POLN: variants seen among roughly 807,000 people sequenced by gnomAD.
The protein encoded by POLN is DNA polymerase nu.
Under a neutral mutation model 113.5 loss-of-function variants are expected in POLN, and 108 were observed. The ratio of observed to expected loss-of-function variants is 0.95; its 90% CI spans 0.81 to 1.12. The LOEUF (loss-of-function observed/expected upper bound fraction) is 1.12. Ranked by LOEUF, POLN falls within the 50% of genes most tolerant of loss-of-function variation. POLN has a pLI of 0.00. For synonymous variants in POLN, 386 were observed against 391.5 expected, an observed-to-expected ratio of 0.99 and a Z score of 0.17; for missense variants, 1,097 against 1,077.1, an observed-to-expected ratio of 1.02 and a Z score of -0.26.
chr4:2,105,803 AG>A (rs1183648740), intron 19 of POLN, among the ~76,000 whole-genome samples: 2 of 107,136 alleles, frequency 1.9e-5, no homozygotes, highest in Admixed American at 1.0e-4. Flanking sequence ...CCAGACAAAT[AG>A]TGATGATGAT....
At chr4:2,141,716 A>G (rs1298841888) in intron 16 of POLN, among the ~76,000 whole-genome samples, 1 of 152,180 alleles carries the variant, frequency 6.6e-6, no homozygotes, top group Non-Finnish European at 1.5e-5. Context: ...TGAACCAGTG[A>G]GAACCCAGAA....
intron 3 of POLN, 52 bp from the exon 4 acceptor site, chr4:2,213,178 C>T: frequency 8.8e-7 from 1 of 1,141,874 alleles, no homozygotes; most frequent in South Asian, 1.4e-5. Context: ...ACATTGATAT[C>T]TAAGTCACAC....
At chr4:2,105,664 G>A (rs1731047449) in intron 19 of POLN, among the ~76,000 whole-genome samples, 2 of 152,050 alleles carry the variant, frequency 1.3e-5, no homozygotes, top group Admixed American at 1.3e-4. Context: ...CAGAGAGGGG[G>A]AGCTGAAAGT....
intron 19 of POLN, among the ~76,000 whole-genome samples, chr4:2,111,967 G>A (rs868222973): frequency 1.1e-4 from 17 of 152,110 alleles, no homozygotes; most frequent in Admixed American, 3.9e-4. Context: ...GAGGCATCAC[G>A]CTACCTGACT....
At chr4:2,165,301 C>A (rs1044241561) in intron 13 of POLN, among the ~76,000 whole-genome samples, 1 of 152,134 alleles carries the variant, frequency 6.6e-6, no homozygotes, top group Admixed American at 6.5e-5. Context: ...TAAGTGCCTA[C>A]CACTAAGTGA....
chr4:2,123,169 GAAACCAAACCAAACCAAACC>G (rs112587303), intron 19 of POLN, among the ~76,000 whole-genome samples: 1 of 151,860 alleles, frequency 6.6e-6, no homozygotes, highest in South Asian at 2.1e-4. Flanking sequence ...TCTTATCTCA[GAAACCAAACCAAACCAAACC>G]AAACCAAACC....
Position 2,102,910 on chromosome 4 carries a change from A to G in POLN, c.1983-6977T>C, listed in dbSNP as rs190032197. ...CCAACCAACAGAGAGTCACATCTTC[A>G]GGAACCCCCACACTCAAATGAAAGT... On this transcript the variant is annotated intron_variant, in intron 19 of 25. Coordinates refer to ENST00000511885, the MANE Select transcript of POLN (RefSeq NM_181808.4). Among the ~76,000 whole-genome samples the G allele has an allele frequency of 3.0e-3, 462 of 152,350 alleles. 6 individuals are homozygous for G. Among genetic ancestry groups the G allele is most frequent in the African/African-American group, 0.011 (445 of 41,580 alleles).
intron 15 of POLN, 49 bp downstream of exon 15, chr4:2,157,809 T>TACAAAA (rs1561050905): frequency 7.6e-7 from 1 of 1,319,432 alleles, no homozygotes. Flanking sequence ...TCTGAACTCA[T>TACAAAA]ACAAAAACCA....
intron 19 of POLN, among the ~76,000 whole-genome samples, chr4:2,121,280 CA>C (rs1403136367): frequency 5.3e-5 from 8 of 151,886 alleles, no homozygotes; most frequent in African/African-American, 1.9e-4. Context: ...ACTAAAAATA[CA>C]AAAATTAGCT....
intron 7 of POLN, among the ~76,000 whole-genome samples, chr4:2,182,925 C>T (rs1413623999): frequency 6.6e-6 from 1 of 151,338 alleles, no homozygotes; most frequent in Non-Finnish European, 1.5e-5. Context: ...ACAATAAACT[C>T]ATATTAGAAT....
intron 23 of POLN, chr4:2,080,375 C>A (rs1024841295): frequency 4.9e-6 from 5 of 1,020,316 alleles, no homozygotes; most frequent in Non-Finnish European, 5.9e-6. Flanking sequence ...GAGCCCCCCC[C>A]CACCAAGGCA....
At chr4:2,148,669 C>G (rs1577722897) in intron 16 of POLN, among the ~76,000 whole-genome samples, 1 of 45,180 alleles carries the variant, frequency 2.2e-5, no homozygotes, top group East Asian at 3.4e-4. Flanking sequence ...TCTGTCCCCC[C>G]CCCAAAAAAA....
intron 19 of POLN, among the ~76,000 whole-genome samples, chr4:2,125,232 G>A (rs947583178): frequency 4.6e-5 from 7 of 152,206 alleles, no homozygotes; most frequent in South Asian, 2.1e-4. Context: ...GACATGTGGC[G>A]ACTCCTGGAG....
At position 2,164,802 on chromosome 4, in the gene POLN, CAAAAAAAAAAAAAAAAAAAAAAA is replaced by C. The variant is rs33935159; in HGVS notation, c.1555-5614_1555-5592del. 1.5e-3 allele frequency among the ~76,000 whole-genome samples: 42 copies of C among 28,722 alleles called. No homozygotes were observed. In the East Asian group the frequency reaches 0.026, roughly 18 times the overall value. 18.8% of individuals were successfully genotyped at this position (28,722 alleles called of 152,430 possible). ...TGGCCGATGGAGCAAGACTCTGTCTCAAAAAAAAAAAAAAAAAAAAAAAAAAAAAAAAAAAAAAAAGAGTGATC... is the reference window on the plus strand; with the variant it reads ...TGGCCGATGGAGCAAGACTCTGTCTCAAAAAAAAAAAAAAAAAGAGTGATC... On this transcript the variant is annotated intron_variant, in intron 13 of 25. Transcript: ENST00000511885.
chr4:2,147,490 C>T (rs752873391), intron 16 of POLN, among the ~76,000 whole-genome samples: 3 of 152,070 alleles, frequency 2.0e-5, no homozygotes, highest in Admixed American at 6.6e-5. Flanking sequence ...ATGACCAATC[C>T]ATGCCCAGGG....
chr4:2,202,471 C>G (rs561742114), intron 5 of POLN, among the ~76,000 whole-genome samples: 22 of 152,290 alleles, frequency 1.4e-4, no homozygotes, highest in African/African-American at 5.3e-4. Context: ...TGCCTGTAAT[C>G]CCAGCACTTT....
At chr4:2,225,166 C>T (rs2108771684) in intron 3 of POLN, among the ~76,000 whole-genome samples, 1 of 151,868 alleles carries the variant, frequency 6.6e-6, no homozygotes, top group East Asian at 1.9e-4. Context: ...ATAAAAGGCA[C>T]ATACTAAGTT....
chr4:2,222,186 A>G (rs913672124), intron 3 of POLN, among the ~76,000 whole-genome samples: 1 of 151,974 alleles, frequency 6.6e-6, no homozygotes, highest in African/African-American at 2.4e-5. Context: ...GTGGTATTTC[A>G]ATCAAGATTT....
At chr4:2,098,041 T>A (rs1730838476) in intron 19 of POLN, among the ~76,000 whole-genome samples, 2 of 152,222 alleles carry the variant, frequency 1.3e-5, no homozygotes, top group Non-Finnish European at 2.9e-5. Context: ...CTTTTCCTGC[T>A]GTGTTAAGCT....
Sources: gnomAD v4.1 joint callset for allele counts (sites outside exome capture counted in the v4.1 genomes callset) on GRCh38, gnomAD v4.1.1 for gene constraint, MANE v1.5 for transcripts, NCBI Gene and HGNC (gene_info 2026-07-23, HGNC 2026-07-21) for gene names.